Variants in MBOAT2 observed in about 807,000 individuals in gnomAD.
MBOAT2 encodes membrane bound glycerophospholipid O-acyltransferase 2, also known as membrane-bound glycerophospholipid O-acyltransferase 2.
A neutral mutation model predicts 63.4 loss-of-function variants in MBOAT2; 28 were observed. The ratio of observed to expected loss-of-function variants is 0.44; its 90% CI spans 0.33 to 0.61. MBOAT2 has a LOEUF of 0.61. MBOAT2 is among the 20% of genes least tolerant of loss of function. MBOAT2 has a pLI of 0.03. For synonymous variants in MBOAT2, 211 were observed against 215.6 expected (o/e 0.98, Z 0.19); for missense variants, 470 against 605.8 (o/e 0.78, Z 2.35).
At chr2:8,973,881 A>T (rs528717546) in intron 1 of MBOAT2, among the ~76,000 whole-genome samples, 2 of 152,204 alleles carry the variant, frequency 1.3e-5, no homozygotes, top group Non-Finnish European at 2.9e-5. Context: ...ATATACTGAC[A>T]TAACGTTAAT....
At chr2:8,910,389 G>A (rs760160405) in intron 3 of MBOAT2, among the ~76,000 whole-genome samples, 4 of 152,132 alleles carry the variant, frequency 2.6e-5, no homozygotes, top group Non-Finnish European at 1.5e-5. Context: ...GATTCCACAT[G>A]AAAAAGAGAT....
At chr2:8,929,414 C>T (rs879811556) in intron 3 of MBOAT2, among the ~76,000 whole-genome samples, 1 of 152,190 alleles carries the variant, frequency 6.6e-6, no homozygotes, top group Non-Finnish European at 1.5e-5. Flanking sequence ...TGCAGTGGCA[C>T]GATCTCAGCT....
In MBOAT2 at chr2:8,862,844, T is replaced by C. The variant is rs1349118895; in HGVS notation, c.1053-122A>G. The stretch of plus-strand genomic sequence containing the variant: ...GGGTAACTAGAAAAACAAATACAAC[T>C]TATCTTAGGCAATCACTTCTCTATG... On this transcript the variant is annotated intron_variant, in intron 10 of 12. Coordinates refer to ENST00000305997, the MANE Select transcript of MBOAT2 (RefSeq NM_138799.4). This position sits in a 1 kb window ranked among gnomAD's most constrained non-coding sequence, Gnocchi z 4.3. The C allele has an allele frequency of 1.7e-6, 2 of 1,211,346 alleles. No individual in the cohort carries two copies. The highest frequency in any genetic ancestry group is 2.2e-6 in the Non-Finnish European group (2 of 890,682). The allele number at this position is 1,211,346 out of a possible 1,614,324, so 75.0% of individuals were successfully genotyped here. A position where few individuals can be genotyped will look rare whatever the true frequency, so the allele number is the denominator to read the frequency against.
intron 3 of MBOAT2, among the ~76,000 whole-genome samples, chr2:8,914,102 T>C (rs1665977758): frequency 6.6e-6 from 1 of 152,142 alleles, no homozygotes; most frequent in Admixed American, 6.5e-5. Context: ...TGTTCTGATA[T>C]GTGGGAGCTA....
chr2:8,889,934 A>C (rs1343260783), intron 4 of MBOAT2, among the ~76,000 whole-genome samples: 2 of 152,162 alleles, frequency 1.3e-5, no homozygotes, highest in Non-Finnish European at 2.9e-5. Flanking sequence ...TATGAAAGTA[A>C]GCTGCGCTGG....
At chr2:8,900,291 G>A (rs1664816610) in intron 4 of MBOAT2, among the ~76,000 whole-genome samples, 1 of 152,130 alleles carries the variant, frequency 6.6e-6, no homozygotes, top group Non-Finnish European at 1.5e-5. Flanking sequence ...ACTTGACTAA[G>A]ATACCAAGTA....
rs1671225807 is a variant in MBOAT2 at position 8,981,965 on chromosome 2, A to C, written c.75+21575T>G. On this transcript the variant is annotated intron_variant, in intron 1 of 12. Transcript: ENST00000305997. ...AACTCAATGGTTAATGAAGACAGAC[A>C]GACTTAGATCCAAATATGAGTAGTG... Among the ~76,000 whole-genome samples the C allele has an allele frequency of 2.6e-5, 4 of 152,294 alleles. No individual in the cohort carries two copies. The South Asian group carries it at 8.3e-4, about 32-fold the overall frequency.
At chr2:8,955,777 C>G (rs191209716) in intron 2 of MBOAT2, among the ~76,000 whole-genome samples, 5 of 152,314 alleles carry the variant, frequency 3.3e-5, no homozygotes, top group African/African-American at 1.2e-4. Context: ...AAGAGTCAAT[C>G]ACTATGGTAA....
At chr2:8,945,903 T>C (rs561141270) in intron 2 of MBOAT2, among the ~76,000 whole-genome samples, 30 of 152,336 alleles carry the variant, frequency 2.0e-4, no homozygotes, top group Admixed American at 1.6e-3. Flanking sequence ...ACTGAATGTC[T>C]ACCTTCTGAA....
At chr2:8,891,555 A>G (rs13405832) in intron 4 of MBOAT2, among the ~76,000 whole-genome samples, 2,785 of 152,356 alleles carry the variant, frequency 0.018, 31 homozygotes, top group Middle Eastern at 0.037. Context: ...TCTCTGGTTC[A>G]GGACAATTAG....
chr2:8,860,186 G>A (rs796189761), intron 12 of MBOAT2, among the ~76,000 whole-genome samples: 4 of 151,466 alleles, frequency 2.6e-5, no homozygotes, highest in Admixed American at 1.3e-4. Context: ...GCAAGATTCC[G>A]TCTCAAAAAA....
chr2:8,953,528 A>C (rs1668988908), intron 2 of MBOAT2, among the ~76,000 whole-genome samples: 1 of 152,154 alleles, frequency 6.6e-6, no homozygotes, highest in Non-Finnish European at 1.5e-5. Context: ...CCTCAAATAC[A>C]TTTTCCAGGT....
intron 6 of MBOAT2, among the ~76,000 whole-genome samples, chr2:8,880,738 G>A (rs151042617): frequency 6.6e-6 from 1 of 152,208 alleles, no homozygotes; most frequent in Non-Finnish European, 1.5e-5. Flanking sequence ...ATTGAAAGAA[G>A]GGAGTGTCCT....
At chr2:8,938,776 G>A (rs1255113392) in intron 3 of MBOAT2, among the ~76,000 whole-genome samples, 3 of 151,932 alleles carry the variant, frequency 2.0e-5, no homozygotes, top group African/African-American at 4.8e-5. Flanking sequence ...TCATGCCACC[G>A]TGTTTCATGC....
intron 10 of MBOAT2, 97 bp downstream of exon 10, chr2:8,864,073 A>G: frequency 1.2e-6 from 1 of 818,678 alleles, no homozygotes; most frequent in Admixed American, 2.7e-5. Flanking sequence ...ATGTCACTCA[A>G]CACCGTTAAT....
chr2:8,874,095 C>T (rs1662534666), intron 7 of MBOAT2, among the ~76,000 whole-genome samples: 2 of 152,174 alleles, frequency 1.3e-5, no homozygotes, highest in Admixed American at 1.3e-4. Context: ...ATACAGTAAC[C>T]AAATAGTATT....
chr2:8,967,652 A>G (rs1670092701), intron 1 of MBOAT2, among the ~76,000 whole-genome samples: 1 of 152,226 alleles, frequency 6.6e-6, no homozygotes, highest in Non-Finnish European at 1.5e-5. Context: ...TTCACAGACT[A>G]GAACACATTT....
intron 2 of MBOAT2, among the ~76,000 whole-genome samples, chr2:8,954,741 GA>G (rs1030071350): frequency 7.2e-5 from 11 of 151,974 alleles, no homozygotes; most frequent in African/African-American, 2.7e-4. Context: ...AATGCCTGTA[GA>G]TTTGCCTGGG....
intron 5 of MBOAT2, among the ~76,000 whole-genome samples, chr2:8,884,428 C>T (rs886333045): frequency 1.3e-5 from 2 of 149,828 alleles, no homozygotes; most frequent in African/African-American, 2.5e-5. Context: ...GTAATTCCTA[C>T]TTGTGACAAT....
Sources: gnomAD v4.1 joint callset for allele counts (sites outside exome capture counted in the v4.1 genomes callset) on GRCh38, gnomAD v4.1.1 for gene constraint, Gnocchi (gnomAD v3.1) non-coding constraint, MANE v1.5 for transcripts, NCBI Gene and HGNC (gene_info 2026-07-23, HGNC 2026-07-21) for gene names.